Variants in KLHDC10 observed in about 807,000 individuals in gnomAD.
KLHDC10 encodes kelch domain-containing protein 10.
Under a neutral mutation model 56.1 loss-of-function variants are expected in KLHDC10, and 24 were observed. The observed-to-expected ratio is 0.43, with a 90% CI of 0.31 to 0.60. KLHDC10 has a LOEUF of 0.60. Among genes scored for constraint, KLHDC10 ranks in the 20% least tolerant of loss-of-function variants. The pLI, the probability that KLHDC10 is intolerant of heterozygous loss-of-function variation, is 0.11. For synonymous variants in KLHDC10, 188 were observed against 207.1 expected (o/e 0.91, Z 0.79); for missense variants, 349 against 567.0 (o/e 0.62, Z 3.91).
intron 1 of KLHDC10, among the ~76,000 whole-genome samples, chr7:130,084,965 TA>T (rs1206511416): frequency 6.6e-6 from 1 of 151,852 alleles, no homozygotes; most frequent in Non-Finnish European, 1.5e-5. Context: ...ATCTTTACAT[TA>T]AAAAAAATCA....
At chr7:130,121,019 T>C in intron 4 of KLHDC10, 116 bp downstream of exon 4, 5 of 1,050,646 alleles carry the variant, frequency 4.8e-6, no homozygotes, top group South Asian at 1.7e-5. Flanking sequence ...TTCTTTGTGG[T>C]TAGTACTTGA....
intron 2 of KLHDC10, among the ~76,000 whole-genome samples, chr7:130,112,898 A>G (rs1244143396): frequency 1.3e-5 from 2 of 152,240 alleles, no homozygotes; most frequent in Non-Finnish European, 2.9e-5. Context: ...TTATTAACAG[A>G]AACCAACAGT....
intron 3 of KLHDC10, among the ~76,000 whole-genome samples, chr7:130,119,015 C>G (rs1213698288): frequency 6.6e-6 from 1 of 150,684 alleles, no homozygotes; most frequent in African/African-American, 2.4e-5. Flanking sequence ...AGTTCGAGAC[C>G]AGCCTGGGCA....
At chr7:130,104,003 G>T (rs1201285758) in intron 2 of KLHDC10, among the ~76,000 whole-genome samples, 1 of 151,968 alleles carries the variant, frequency 6.6e-6, no homozygotes, top group South Asian at 2.1e-4. Flanking sequence ...CAGGAGAATC[G>T]CTTAAACCCA....
chr7:130,078,401 A>C (rs764431904), intron 1 of KLHDC10, among the ~76,000 whole-genome samples: 1 of 152,100 alleles, frequency 6.6e-6, no homozygotes, highest in Non-Finnish European at 1.5e-5. Context: ...TAAAAATAAA[A>C]TAAAATAGAG....
At chr7:130,117,103 G>C (rs117403379) in intron 3 of KLHDC10, among the ~76,000 whole-genome samples, 1 of 152,122 alleles carries the variant, frequency 6.6e-6, no homozygotes, top group Admixed American at 6.5e-5. Context: ...TTATGTTTAC[G>C]CTATGCACTA....
At chr7:130,099,895 C>G (rs1470851233) in intron 2 of KLHDC10, among the ~76,000 whole-genome samples, 8 of 152,090 alleles carry the variant, frequency 5.3e-5, no homozygotes. Flanking sequence ...TGGCCTACAC[C>G]TGCAATCCAG....
intron 3 of KLHDC10, among the ~76,000 whole-genome samples, chr7:130,119,827 G>C (rs1796224522): frequency 1.5e-5 from 2 of 129,350 alleles, no homozygotes. Context: ...CCGGGAGACA[G>C]AGCAAGACTC....
chr7:130,080,093 C>T (rs1358283061), intron 1 of KLHDC10, among the ~76,000 whole-genome samples: 1 of 152,020 alleles, frequency 6.6e-6, no homozygotes, highest in Non-Finnish European at 1.5e-5. Flanking sequence ...AGGCGTGCAC[C>T]ACCACACCCA....
chr7:130,086,504 TAG>T (rs2116854552), intron 1 of KLHDC10, among the ~76,000 whole-genome samples: 1 of 152,352 alleles, frequency 6.6e-6, no homozygotes, highest in South Asian at 2.1e-4. Flanking sequence ...GCCATCTCCC[TAG>T]AGTTTCTGGT....
intron 2 of KLHDC10, among the ~76,000 whole-genome samples, chr7:130,100,476 G>A (rs909294041): frequency 1.3e-5 from 2 of 152,178 alleles, no homozygotes; most frequent in Admixed American, 6.5e-5. Context: ...GCATGTAGCA[G>A]GTATATCATA....
intron 1 of KLHDC10, among the ~76,000 whole-genome samples, chr7:130,087,305 A>G (rs1386476322): frequency 6.6e-6 from 1 of 152,204 alleles, no homozygotes; most frequent in Non-Finnish European, 1.5e-5. Context: ...AAACAAGATT[A>G]ATTTTCCTAA....
At chr7:130,117,082 T>G (rs1796178168) in intron 3 of KLHDC10, among the ~76,000 whole-genome samples, 3 of 152,238 alleles carry the variant, frequency 2.0e-5, no homozygotes, top group Non-Finnish European at 2.9e-5. Context: ...GGTTTCCTAG[T>G]GCATATAAAG....
intron 1 of KLHDC10, among the ~76,000 whole-genome samples, chr7:130,079,865 CCTTT>C (rs1194118952): frequency 2.2e-5 from 3 of 138,304 alleles, no homozygotes; most frequent in Non-Finnish European, 4.8e-5. Context: ...TCCCTTCCTC[CCTTT>C]CTTCCTCCCT....
chr7:130,122,157 C>T lies in KLHDC10; in HGVS notation c.734C>T (p.Thr245Ile). The change falls in exon 5 of 10, where the codon ACA becomes ATA. Residue 245 changes from threonine (T) to isoleucine (I), a missense_variant. Around this residue, in one of 2 missense-constraint regions of KLHDC10, gnomAD observed 245 missense variants for 470.1 expected, o/e 0.52. Coordinates refer to ENST00000335420, the MANE Select transcript of KLHDC10 (RefSeq NM_014997.4). ...TTAGATCTCAATACCAGAGAGTGGA[C>T]ACAACTGAAACCAAACAACCTATCC... is the stretch of plus-strand genomic sequence containing the variant. The part of the protein sequence containing the change: ...HKLDLNTREW[T>I]QLKPNNLSCD... The T allele has an allele frequency of 6.2e-7, 1 of 1,614,002 alleles. No individual in the cohort carries two copies.
At chr7:130,112,071 T>G (rs908641967) in intron 2 of KLHDC10, among the ~76,000 whole-genome samples, 2 of 152,232 alleles carry the variant, frequency 1.3e-5, no homozygotes, top group African/African-American at 4.8e-5. Flanking sequence ...TATAAAAATT[T>G]TAAATGCATA....
At chr7:130,117,026 G>A (rs1796177597) in intron 3 of KLHDC10, among the ~76,000 whole-genome samples, 1 of 152,124 alleles carries the variant, frequency 6.6e-6, no homozygotes, top group African/African-American at 2.4e-5. Context: ...GATGTCCTGG[G>A]TTTAGTTTCA....
chr7:130,078,093 C>A (rs530519972), intron 1 of KLHDC10, among the ~76,000 whole-genome samples: 3 of 150,344 alleles, frequency 2.0e-5, no homozygotes, highest in African/African-American at 4.9e-5. Context: ...ATAGGCCTGG[C>A]GTGTTGGCTC....
chr7:130,124,429 G>T lies in KLHDC10; in HGVS notation c.780-22G>T, dbSNP rs140562869. 1.5e-4 allele frequency: 215 copies of T among 1,452,878 alleles called. No homozygotes were observed. The African/African-American group carries it at 2.3e-3, about 15-fold the overall frequency. 90.0% of individuals were successfully genotyped at this position (1,452,878 alleles called of 1,614,324 possible). ...GGTCATTTTTCACTTAATTATAAAT[G>T]AATTTTATTGTAAATTTTCAGATAC... On this transcript the variant is annotated intron_variant, in intron 5 of 9. Transcript: ENST00000335420.
Sources: allele counts gnomAD v4.1 joint callset (sites outside exome capture counted in the v4.1 genomes callset), GRCh38; gene constraint gnomAD v4.1.1; regional missense constraint gnomAD v4.1.1; transcripts MANE v1.5; gene names NCBI Gene and HGNC (gene_info 2026-07-23, HGNC 2026-07-21).